LRP1B: variants seen among roughly 807,000 people sequenced by gnomAD.
LRP1B encodes the protein LDL receptor related protein 1B, also known as low-density lipoprotein receptor-related protein 1B.
A neutral mutation model predicts 556.6 loss-of-function variants in LRP1B; 217 were observed. The ratio of observed to expected loss-of-function variants is 0.39; its 90% CI spans 0.35 to 0.44. LRP1B has a LOEUF of 0.44. Among genes scored for constraint, LRP1B ranks in the 20% least tolerant of loss-of-function variants. The pLI, the probability that LRP1B is intolerant of heterozygous loss-of-function variation, is 1.00. For synonymous variants in LRP1B, 2,047 were observed against 1,865.8 expected, an observed-to-expected ratio of 1.10 and a Z score of -2.50; for missense variants, 5,053 against 5,620.8, an observed-to-expected ratio of 0.90 and a Z score of 3.23.
chr2:140,993,171 A>T (rs910443737), intron 16 of LRP1B, among the ~76,000 whole-genome samples: 5 of 152,048 alleles, frequency 3.3e-5, no homozygotes, highest in African/African-American at 1.2e-4. Flanking sequence ...GTTCAGACCT[A>T]AAAAAGGACA....
intron 3 of LRP1B, among the ~76,000 whole-genome samples, chr2:141,448,139 G>A (rs1432718744): frequency 6.6e-6 from 1 of 152,212 alleles, no homozygotes; most frequent in African/African-American, 2.4e-5. Flanking sequence ...TAGAGTGCCA[G>A]ACTGGCTACA....
rs1353369745 is a variant in LRP1B, at chr2:140,555,224, G to A, written c.7195-13253C>T. On this transcript the variant is annotated intron_variant, in intron 43 of 90. Coordinates refer to ENST00000389484, the MANE Select transcript of LRP1B (RefSeq NM_018557.3). Reference sequence around the variant, plus strand: ...CAAATTGAGATTCACAGACGCTCAGGAAAAAAAAAAAACAAATATTACTTT... The same window carrying A: ...CAAATTGAGATTCACAGACGCTCAGAAAAAAAAAAAAACAAATATTACTTT... 7.6e-5 allele frequency among the ~76,000 whole-genome samples: 11 copies of A among 144,808 alleles called. No homozygotes were observed. In the South Asian group the frequency reaches 1.3e-3, roughly 17 times the overall value. The allele number at this position is 144,808 out of a possible 152,430, so 95.0% of individuals were successfully genotyped here.
intron 2 of LRP1B, among the ~76,000 whole-genome samples, chr2:141,576,095 G>A (rs565585446): frequency 1.3e-4 from 20 of 152,314 alleles, no homozygotes; most frequent in Non-Finnish European, 5.9e-5. Context: ...ATTACTGGGT[G>A]TATACCCAAA....
In LRP1B at chr2:140,546,340, G is replaced by C. The variant is rs567893110; in HGVS notation, c.7195-4369C>G. On this transcript the variant is annotated intron_variant, in intron 43 of 90. Coordinates refer to ENST00000389484, the MANE Select transcript of LRP1B (RefSeq NM_018557.3). ...ATATTGAAAAGGGTTGGTGAGAGAG[G>C]GCATCCTTGTTGTATTAGTACATTC... Among the ~76,000 whole-genome samples the C allele has an allele frequency of 4.1e-4, 63 of 152,112 alleles. No individual in the cohort carries two copies. The East Asian group carries it at 0.012, about 29-fold the overall frequency.
intron 86 of LRP1B, among the ~76,000 whole-genome samples, chr2:140,252,075 A>C (rs1424958864): frequency 7.4e-6 from 1 of 135,052 alleles, no homozygotes; most frequent in African/African-American, 3.0e-5. Flanking sequence ...AAAAAAAAAA[A>C]AAAAAAAAAA....
chr2:141,571,323 A>G (rs68002957), intron 2 of LRP1B, among the ~76,000 whole-genome samples: 12,434 of 150,666 alleles, frequency 0.083, 1,083 homozygotes, highest in South Asian at 0.14. Context: ...ACAGAAGAGG[A>G]GGCCTAACTA....
At chr2:140,887,074 C>A (rs1185271513) in intron 23 of LRP1B, among the ~76,000 whole-genome samples, 1 of 152,132 alleles carries the variant, frequency 6.6e-6, no homozygotes, top group Non-Finnish European at 1.5e-5. Context: ...TACTGTGAGA[C>A]ATACTGATGT....
chr2:141,466,950 G>GATATATATATACATATATATATATAT (rs1682226665), intron 3 of LRP1B, among the ~76,000 whole-genome samples: 1 of 140,794 alleles, frequency 7.1e-6, no homozygotes, highest in Non-Finnish European at 1.5e-5. Context: ...GTGCTCAGGG[G>GATATATATATACATATATATATATAT]ATATATATAT....
At chr2:141,793,645 T>G (rs1695699352) in intron 2 of LRP1B, among the ~76,000 whole-genome samples, 1 of 151,962 alleles carries the variant, frequency 6.6e-6, no homozygotes, top group Non-Finnish European at 1.5e-5. Flanking sequence ...CTTTCCAATA[T>G]ATAATTACTA....
At chr2:141,976,416 C>T (rs1701888429) in intron 1 of LRP1B, among the ~76,000 whole-genome samples, 2 of 152,006 alleles carry the variant, frequency 1.3e-5, no homozygotes, top group South Asian at 4.1e-4. Context: ...TTCATTTACT[C>T]AAATTTCAAT....
rs1680752787 is a variant in LRP1B at position 140,556,845 on chromosome 2, G to A, written c.7195-14874C>T. Among the ~76,000 whole-genome samples, 8 of 151,702 alleles carry A rather than the reference G, an allele frequency of 5.3e-5. 1 individual carries two copies. Among genetic ancestry groups the A allele is most frequent in the Admixed American group, 5.3e-4 (8 of 15,186 alleles). On this transcript the variant is annotated intron_variant, in intron 43 of 90. Transcript: ENST00000389484. ...TACTATAGAATTAAATTACATACAT[G>A]TCCATAGGCCACCTCAGAGTCACTT...
At chr2:140,467,858 G>C (rs1687615004) in intron 60 of LRP1B, among the ~76,000 whole-genome samples, 1 of 152,098 alleles carries the variant, frequency 6.6e-6, no homozygotes, top group African/African-American at 2.4e-5. Flanking sequence ...TAAAATGCAA[G>C]GAGAGAAAGG....
At chr2:141,489,927 A>G (rs1333185179) in intron 2 of LRP1B, among the ~76,000 whole-genome samples, 2 of 152,140 alleles carry the variant, frequency 1.3e-5, no homozygotes, top group South Asian at 2.1e-4. Flanking sequence ...AAATCAAGTA[A>G]TTTATCTGTA....
chr2:141,699,618 G>A (rs1691863749), intron 2 of LRP1B, among the ~76,000 whole-genome samples: 1 of 151,392 alleles, frequency 6.6e-6, no homozygotes, highest in Non-Finnish European at 1.5e-5. Context: ...CCTCTCCGGT[G>A]CCAAAATATG....
At chr2:140,587,454 T>C (rs1397415618) in intron 43 of LRP1B, among the ~76,000 whole-genome samples, 3 of 152,194 alleles carry the variant, frequency 2.0e-5, no homozygotes, top group East Asian at 1.9e-4. Context: ...GAGTACATTA[T>C]GCTAAATGAA....
intron 3 of LRP1B, among the ~76,000 whole-genome samples, chr2:141,443,011 C>A (rs1251065266): frequency 2.0e-5 from 3 of 152,116 alleles, no homozygotes; most frequent in Non-Finnish European, 4.4e-5. Flanking sequence ...CACGCTGTCT[C>A]TTCCACAATG....
At chr2:141,522,129 C>T (rs1414326466) in intron 2 of LRP1B, among the ~76,000 whole-genome samples, 3 of 152,076 alleles carry the variant, frequency 2.0e-5, no homozygotes, top group Non-Finnish European at 4.4e-5. Flanking sequence ...TAGGAACTTG[C>T]TAGAAATGCA....
At chr2:140,718,143 T>C (rs900917958) in intron 35 of LRP1B, among the ~76,000 whole-genome samples, 4 of 152,070 alleles carry the variant, frequency 2.6e-5, no homozygotes, top group African/African-American at 9.7e-5. Flanking sequence ...TTTGTTTCTC[T>C]GCTTGTTTGT....
intron 3 of LRP1B, among the ~76,000 whole-genome samples, chr2:141,374,335 C>T (rs568374973): frequency 1.3e-5 from 2 of 152,252 alleles, no homozygotes; most frequent in East Asian, 3.9e-4. Context: ...TTTTGACATT[C>T]TGACTATAAT....
Sources: gnomAD v4.1 joint callset for allele counts (sites outside exome capture counted in the v4.1 genomes callset) on GRCh38, gnomAD v4.1.1 for gene constraint, MANE v1.5 for transcripts, NCBI Gene and HGNC (gene_info 2026-07-23, HGNC 2026-07-21) for gene names.